SLC4A11: variants seen among roughly 807,000 people sequenced by gnomAD.
SLC4A11 encodes solute carrier family 4 member 11, also known as bicarbonate transporter related protein 1.
Under a neutral mutation model 95.0 loss-of-function variants are expected in SLC4A11, and 74 were observed. The ratio of observed to expected loss-of-function variants is 0.78; its 90% confidence interval spans 0.65 to 0.95. The LOEUF is 0.95. Ranked by LOEUF, SLC4A11 falls within the 40% of genes least tolerant of loss-of-function variation. The pLI is 0.00. For synonymous variants in SLC4A11, 548 were observed against 519.0 expected, an observed-to-expected ratio of 1.06 and a Z score of -0.76; for missense variants, 1,081 against 1,192.4, an observed-to-expected ratio of 0.91 and a Z score of 1.38.
At chr20:3,230,078 G>T in intron 13 of SLC4A11, 109 bp downstream of exon 13, 1 of 1,332,270 alleles carries the variant, frequency 7.5e-7, no homozygotes, top group Non-Finnish European at 1.1e-6. Flanking sequence ...TTGATCACGG[G>T]CACACACTCA....
rs1046146525 is a variant in SLC4A11 at position 3,231,348 on chromosome 20, A to G, written c.930T>C (p.Pro310=). The change falls in exon 8 of 20, where the codon CCT becomes CCC. Residue 310 remains proline, a synonymous_variant. Transcript: ENST00000642402. This position sits in a 1 kb window ranked among gnomAD's most constrained non-coding sequence, Gnocchi z 5.2. Reference sequence around the variant, plus strand: ...CCTGTACCTCTGGGTGTCTGTGGGCAGGGAGGGAGACTGTGCTGCGTTCCT... The same window carrying G: ...CCTGTACCTCTGGGTGTCTGTGGGCGGGGAGGGAGACTGTGCTGCGTTCCT... ...RTKERSTVSL[P]AHRHPEPPKC... is the part of the protein sequence containing the mutation. 6.2e-7 allele frequency: 1 copy of G among 1,613,744 alleles called. No homozygotes were observed. The highest frequency in any genetic ancestry group is 8.5e-7 in the Non-Finnish European group (1 of 1,179,980).
At position 3,238,130 on chromosome 20, in the gene SLC4A11, T is replaced by C. The variant is rs996832929; in HGVS notation, c.44-542A>G. The C allele has an allele frequency of 5.5e-6, 8 of 1,451,082 alleles. No individual in the cohort carries two copies. The South Asian group carries it at 7.3e-5, about 13-fold the overall frequency. The allele number at this position is 1,451,082 out of a possible 1,614,324, so 89.9% of individuals were successfully genotyped here. ...TCACACGGGGGCCGACAGGCAACGG[T>C]CTCCAGTCCTGGGACCGCGTCCCGG... On this transcript the variant is annotated intron_variant, in intron 1 of 19. Transcript: ENST00000642402.
Position 3,234,655 on chromosome 20 carries a change from C to T in SLC4A11, c.242-38G>A, listed in dbSNP as rs755419192. On this transcript the variant is annotated intron_variant, in intron 3 of 19. Coordinates refer to ENST00000642402, the MANE Select transcript of SLC4A11 (RefSeq NM_001174089.2). The surrounding 1 kb of genome is among the most constrained non-coding windows in gnomAD (Gnocchi z 5.8). ...AGCGGGGAGGGCTCAGGGTGCCACC[C>T]TCTCCTCAGGTCTTTCTTAGTAAGG... 6 of 1,613,900 alleles carry T rather than the reference C, an allele frequency of 3.7e-6. No individual in the cohort carries two copies. In the East Asian group the frequency reaches 1.3e-4, roughly 36 times the overall value.
chr20:3,227,861 GGGGA>G lies in SLC4A11; in HGVS notation c.2559-9_2559-6del. On this transcript the variant is annotated splice_polypyrimidine_tract_variant and splice_region_variant and intron_variant, in intron 19 of 19. Coordinates refer to ENST00000642402, the MANE Select transcript of SLC4A11 (RefSeq NM_001174089.2). ...ATTCGGGGCAGCAGGATATAGCTGT[GGGGA>G]GGGAGGGACAGGAGGATGAGCCTGG... 2 of 1,612,452 alleles carry G rather than the reference GGGGA, an allele frequency of 1.2e-6. No individual in the cohort carries two copies. Among genetic ancestry groups the G allele is most frequent in the Non-Finnish European group, 1.7e-6 (2 of 1,179,600 alleles).
At position 3,230,803 on chromosome 20, in the gene SLC4A11, A is replaced by T; in HGVS notation, c.1211T>A (p.Leu404His). Residue 404 changes from leucine (L) to histidine (H), a missense_variant, in exon 11 of 20, where the codon CTC (leucine) becomes CAC (histidine). Transcript: ENST00000642402. The stretch of plus-strand genomic sequence containing the variant: ...TGGCTGCCCAGAGAAGAGCGCGTAG[A>T]GCAGGCCCCCGATGCTCTGCCCGGC... ...TIAGQSIGGL[L>H]YALFSGQPLV... is the part of the protein sequence containing the mutation. 6.2e-7 allele frequency: 1 copy of T among 1,613,308 alleles called. No individual in the cohort carries two copies. Among genetic ancestry groups the T allele is most frequent in the Non-Finnish European group, 8.5e-7 (1 of 1,179,978 alleles).
intron 16 of SLC4A11, 34 bp downstream of exon 16, chr20:3,229,061 C>CT: frequency 4.0e-6 from 2 of 495,126 alleles, no homozygotes; most frequent in South Asian, 1.6e-5. Context: ...GAGGCCCGGG[C>CT]CCCGCCCACC....
intron 2 of SLC4A11, 148 bp from the exon 3 acceptor site, chr20:3,235,042 T>A: frequency 1.1e-6 from 1 of 886,412 alleles, no homozygotes; most frequent in Non-Finnish European, 1.8e-6. Flanking sequence ...GGAAGGCAGC[T>A]TCTAGTCCTG....
Position 3,239,173 on chromosome 20 carries a change from C to T in SLC4A11, c.-36G>A. On this transcript the variant is annotated 5_prime_UTR_variant, in exon 1 of 20. Transcript: ENST00000642402. ...CGCACTCACGGCCGGGCTCCTCACG[C>T]GGCGCTCCGGCGCTTCTGGACCCCA... is the stretch of plus-strand genomic sequence containing the variant. The T allele has an allele frequency of 1.4e-6, 2 of 1,430,142 alleles. No homozygotes were observed. The highest frequency in any genetic ancestry group is 6.2e-5 in the East Asian group (2 of 32,090). The allele number at this position is 1,430,142 out of a possible 1,614,324, so 88.6% of individuals were successfully genotyped here. A position where few individuals can be genotyped will look rare whatever the true frequency, so the allele number is the denominator to read the frequency against.
chr20:3,235,351 ACACG>A (rs2067947032), intron 2 of SLC4A11, among the ~76,000 whole-genome samples: 2 of 135,968 alleles, frequency 1.5e-5, no homozygotes, highest in Non-Finnish European at 3.2e-5. Flanking sequence ...ACACACACAC[ACACG>A]CTGCCTTGTG....
chr20:3,237,828 G>A, intron 1 of SLC4A11: 1 of 1,564,814 alleles, frequency 6.4e-7, no homozygotes, highest in Non-Finnish European at 8.7e-7. Flanking sequence ...GGGCTGCCCA[G>A]GCGGGCCAGA....
rs771770849 is a variant in SLC4A11 at position 3,239,099 on chromosome 20, C to A, written c.39G>T (p.Pro13=). Residue 13 remains proline (P), a synonymous_variant, in exon 1 of 20, where the codon CCG becomes CCT. Coordinates refer to ENST00000642402, the MANE Select transcript of SLC4A11 (RefSeq NM_001174089.2). ...AATRRVFHLQ[P]CENSPTMSQN... is the part of the protein sequence containing the mutation. Reference sequence around the variant, plus strand: ...CCCCCGGGTTCAGGCACCCACCGCACGGCTGCAGATGGAACACGCGCCTGG... The same window carrying A: ...CCCCCGGGTTCAGGCACCCACCGCAAGGCTGCAGATGGAACACGCGCCTGG... The A allele has an allele frequency of 1.4e-6, 2 of 1,477,130 alleles. No individual in the cohort carries two copies. Among genetic ancestry groups the A allele is most frequent in the Non-Finnish European group, 1.8e-6 (2 of 1,118,682 alleles). 91.5% of individuals were successfully genotyped at this position (1,477,130 alleles called of 1,614,324 possible). A position where few individuals can be genotyped will look rare whatever the true frequency, so the allele number is the denominator to read the frequency against.
Position 3,230,046 on chromosome 20 carries a change from A to G in SLC4A11, c.1489+141T>C, listed in dbSNP as rs6139039. 0.59 allele frequency: 683,102 copies of G among 1,163,788 alleles called. 204,004 individuals carry two copies. Among genetic ancestry groups the G allele is most frequent in the African/African-American group, 0.8 (52,757 of 65,874 alleles). 72.1% of individuals were successfully genotyped at this position (1,163,788 alleles called of 1,614,324 possible). A position where few individuals can be genotyped will look rare whatever the true frequency, so the allele number is the denominator to read the frequency against. On this transcript the variant is annotated intron_variant, in intron 13 of 19. Coordinates refer to ENST00000642402, the MANE Select transcript of SLC4A11 (RefSeq NM_001174089.2). The stretch of plus-strand genomic sequence containing the variant: ...GAGGGCTCTGCCCTCTGCCAGCCCA[A>G]GGCTCCCAGAGCACCGCACCCTTGA...
Position 3,227,436 on chromosome 20 carries a change from G to C in SLC4A11, c.*351C>G. 3.1e-6 allele frequency: 1 copy of C among 326,478 alleles called. No homozygotes were observed. The allele number at this position is 326,478 out of a possible 1,614,324, so 20.2% of individuals were successfully genotyped here. A position where few individuals can be genotyped will look rare whatever the true frequency, so the allele number is the denominator to read the frequency against. On this transcript the variant is annotated 3_prime_UTR_variant, in exon 20 of 20. Coordinates refer to ENST00000642402, the MANE Select transcript of SLC4A11 (RefSeq NM_001174089.2). ...GGCACATAGGAGCCTAGAAACAGGA[G>C]CTTTATTCTCTAATGTGCGTCCAGC... is the stretch of plus-strand genomic sequence containing the variant.
chr20:3,233,706 C>T, intron 6 of SLC4A11, 69 bp from the exon 7 acceptor site: 7 of 1,601,040 alleles, frequency 4.4e-6, no homozygotes, highest in East Asian at 2.2e-5. Context: ...GACCCAGAAC[C>T]CCCTCGACCT....
chr20:3,233,664 C>T, intron 6 of SLC4A11, 27 bp from the exon 7 acceptor site: 1 of 1,609,484 alleles, frequency 6.2e-7, no homozygotes, highest in South Asian at 1.1e-5. Context: ...GGACACAGTG[C>T]ACAGTTGCAC....
rs1483916278 is a variant in SLC4A11 at position 3,231,239 on chromosome 20, G to A, written c.952C>T (p.Pro318Ser). 1.9e-6 allele frequency: 3 copies of A among 1,613,814 alleles called. No homozygotes were observed. Among genetic ancestry groups the A allele is most frequent in the Admixed American group, 3.3e-5 (2 of 60,012 alleles). Reference protein sequence around the residue: ...SLPAHRHPEPPKCKDFVPFGK... With the variant: ...SLPAHRHPEPSKCKDFVPFGK... ...AAAGGGACAAAGTCCTTGCACTTTGGGGGCTGGAGGAGAGGACAGAGCGCC... is the reference window on the plus strand; with the variant it reads ...AAAGGGACAAAGTCCTTGCACTTTGAGGGCTGGAGGAGAGGACAGAGCGCC... Residue 318 changes from proline to serine, a missense_variant, in exon 9 of 20, where the codon CCA becomes TCA. Around this residue, in one of 3 missense-constraint regions of SLC4A11, gnomAD observed 767 missense variants for 858.0 expected, o/e 0.89. Coordinates refer to ENST00000642402, the MANE Select transcript of SLC4A11 (RefSeq NM_001174089.2). The surrounding 1 kb of genome is among the most constrained non-coding windows in gnomAD (Gnocchi z 5.2).
Position 3,229,410 on chromosome 20 carries a change from G to A in SLC4A11, c.1785C>T (p.Cys595=), listed in dbSNP as rs201613216. 629 of 1,613,308 alleles carry A rather than the reference G, an allele frequency of 3.9e-4. 2 individuals carry two copies. Among genetic ancestry groups the A allele is most frequent in the East Asian group, 2.5e-3 (112 of 44,884 alleles). The change falls in exon 15 of 20, where the codon TGC becomes TGT. Residue 595 remains cysteine (C), a synonymous_variant. Transcript: ENST00000642402. ...AGGCGAGCACCGCGATGGGCAGGGCGCAGTCGGACAGGATCTCTCGCACGC... is the reference window on the plus strand; with the variant it reads ...AGGCGAGCACCGCGATGGGCAGGGCACAGTCGGACAGGATCTCTCGCACGC... ...HPCVREILSD[C]ALPIAVLAFS... is the part of the protein sequence containing the mutation.
At chr20:3,235,911 C>A (rs1037343951) in intron 2 of SLC4A11, among the ~76,000 whole-genome samples, 1 of 152,016 alleles carries the variant, frequency 6.6e-6, no homozygotes, top group South Asian at 2.1e-4. Flanking sequence ...TCACTTGGAA[C>A]CTCCTCCTCC....
intron 13 of SLC4A11, 102 bp downstream of exon 13, chr20:3,230,085 C>G: frequency 7.2e-7 from 1 of 1,386,918 alleles, no homozygotes; most frequent in Non-Finnish European, 1.0e-6. Flanking sequence ...CGGGCACACA[C>G]TCAGCTTGAG....
Sources: allele counts gnomAD v4.1 joint callset (sites outside exome capture counted in the v4.1 genomes callset), GRCh38; gene constraint gnomAD v4.1.1; regional missense constraint gnomAD v4.1.1; non-coding constraint Gnocchi (gnomAD v3.1); transcripts MANE v1.5; gene names NCBI Gene and HGNC (gene_info 2026-07-23, HGNC 2026-07-21).